Variants in MRFAP1L2 observed in about 807,000 individuals in gnomAD.
The protein encoded by MRFAP1L2 is MORF4 family-associated protein 1-like protein UPP.
At chr4:6,674,281 G>A in the MRFAP1L2 span, 1 of 509,724 alleles carries the variant, frequency 2.0e-6, no homozygotes, top group South Asian at 2.7e-5. Context: ...TGAGCCCCGC[G>A]CCCCGCGCCG....
chr4:6,675,596 T>A, the MRFAP1L2 span: 1 of 152,214 alleles, frequency 6.6e-6, no homozygotes, highest in East Asian at 1.9e-4. Context: ...TTTTTTTTGT[T>A]TTTATAGCAT....
the MRFAP1L2 span, chr4:6,674,714 G>A: frequency 1.9e-6 from 1 of 524,670 alleles, no homozygotes. Context: ...TAGGTAATTA[G>A]AGAAAATAAT....
At chr4:6,674,394 G>A in the MRFAP1L2 span, 3 of 653,932 alleles carry the variant, frequency 4.6e-6, no homozygotes, top group East Asian at 9.7e-5. Flanking sequence ...GCCATCAAGA[G>A]TGAGGTGGAG....
At chr4:6,674,774 G>A in the MRFAP1L2 span, 6 of 496,604 alleles carry the variant, frequency 1.2e-5, no homozygotes, top group Non-Finnish European at 2.1e-5. Flanking sequence ...TTTTCAGGAC[G>A]TAGACCTGGT....
chr4:6,675,399 G>A, the MRFAP1L2 span: 2 of 152,164 alleles, frequency 1.3e-5, no homozygotes, highest in African/African-American at 2.4e-5. Flanking sequence ...TTCTGCAAGT[G>A]AGAAGACACT....
the MRFAP1L2 span, chr4:6,674,239 GC>G: frequency 2.4e-6 from 1 of 412,472 alleles, no homozygotes; most frequent in Non-Finnish European, 4.3e-6. Flanking sequence ...CGGACGAGGC[GC>G]GGGAGCCCCG....
At chr4:6,674,523 G>C in the MRFAP1L2 span, 1 of 670,918 alleles carries the variant, frequency 1.5e-6, no homozygotes, top group South Asian at 1.5e-5. Flanking sequence ...CGGATGGGCA[G>C]GCGGATCGTG....
At chr4:6,674,373 G>C in the MRFAP1L2 span, 6 of 648,018 alleles carry the variant, frequency 9.3e-6, no homozygotes, top group Non-Finnish European at 1.7e-5. Context: ...GAGATCCAGA[G>C]CCTGCTCGAC....
the MRFAP1L2 span, chr4:6,674,707 GTAAT>G: frequency 3.8e-6 from 2 of 523,966 alleles, no homozygotes; most frequent in Middle Eastern, 4.9e-4. Context: ...TTTTTCATAG[GTAAT>G]TAGAGAAAAT....
At chr4:6,674,553 C>T in the MRFAP1L2 span, 5 of 661,130 alleles carry the variant, frequency 7.6e-6, no homozygotes, top group Non-Finnish European at 8.2e-6. Context: ...CAGCGGATCG[C>T]CGGCTGCGAG....
At chr4:6,674,311 C>T in the MRFAP1L2 span, 10 of 615,396 alleles carry the variant, frequency 1.6e-5, no homozygotes, top group Admixed American at 5.4e-5. Context: ...ACCTGGCCTC[C>T]CTGGAGCGCG....
chr4:6,674,228 G>A, the MRFAP1L2 span: 2 of 405,166 alleles, frequency 4.9e-6, no homozygotes, highest in Non-Finnish European at 8.7e-6. Context: ...GCCCGTGGAC[G>A]CGGACGAGGC....
At chr4:6,674,254 G>A in the MRFAP1L2 span, 3,491 of 426,834 alleles carry the variant, frequency 8.2e-3, 98 homozygotes, top group African/African-American at 0.064. Flanking sequence ...AGCCCCGCGA[G>A]GAGCCGGGCA....
the MRFAP1L2 span, chr4:6,675,606 T>C: frequency 6.6e-6 from 1 of 152,200 alleles, no homozygotes; most frequent in African/African-American, 2.4e-5. Flanking sequence ...TTTTATAGCA[T>C]TTTGCTTTTT....
chr4:6,674,578 C>T, the MRFAP1L2 span: 4 of 631,374 alleles, frequency 6.3e-6, no homozygotes, highest in Non-Finnish European at 1.1e-5. Flanking sequence ...GCTGAGCCGG[C>T]GAGGCCGCGC....
At chr4:6,675,472 G>A in the MRFAP1L2 span, 2 of 146,074 alleles carry the variant, frequency 1.4e-5, no homozygotes, top group African/African-American at 4.8e-5. Flanking sequence ...TGCGACTTTG[G>A]ATGAGATTAA....
chr4:6,674,777 G>A, the MRFAP1L2 span: 1 of 493,712 alleles, frequency 2.0e-6, no homozygotes, highest in South Asian at 2.8e-5. Context: ...TCAGGACGTA[G>A]ACCTGGTGGG....
the MRFAP1L2 span, chr4:6,674,641 G>A: frequency 9.0e-6 from 5 of 554,862 alleles, no homozygotes; most frequent in Non-Finnish European, 1.6e-5. Flanking sequence ...GCGCTGGGTA[G>A]GCAGGGAGGG....
chr4:6,674,221 C>G, the MRFAP1L2 span: 1 of 403,612 alleles, frequency 2.5e-6, no homozygotes. Context: ...TGATGCGGCC[C>G]GTGGACGCGG....
Sources: gnomAD v4.1 joint callset for allele counts on GRCh38, gnomAD v4.1.1 for gene constraint, MANE v1.5 for transcripts, NCBI Gene and HGNC (gene_info 2026-07-23, HGNC 2026-07-21) for gene names.